NLRP5: variants seen among roughly 807,000 people sequenced by gnomAD.
The protein encoded by NLRP5 is NACHT, LRR and PYD domains-containing protein 5.
A neutral mutation model predicts 113.1 loss-of-function variants in NLRP5; 93 were observed. That is an observed-to-expected ratio of 0.82 (90% CI 0.70 to 0.98). The LOEUF is 0.98. Among genes scored for constraint, NLRP5 ranks in the 50% least tolerant of loss-of-function variants. The pLI is 0.00. For synonymous variants in NLRP5, 751 were observed against 600.7 expected (o/e 1.25, Z -3.66); for missense variants, 1,808 against 1,514.3 (o/e 1.19, Z -3.22).
chr19:56,017,099 G>A (rs916808986), intron 4 of NLRP5, among the ~76,000 whole-genome samples: 4 of 152,100 alleles, frequency 2.6e-5, no homozygotes, highest in African/African-American at 4.8e-5. Context: ...GAGCCACCGC[G>A]CCCGGCCAAA....
chr19:56,022,142 C>T (rs192506466), intron 6 of NLRP5, among the ~76,000 whole-genome samples: 5 of 152,270 alleles, frequency 3.3e-5, no homozygotes, highest in Admixed American at 1.3e-4. Flanking sequence ...AGAATAATTA[C>T]TCTGGTCTAG....
At chr19:56,013,262 G>A (rs555839706) in intron 3 of NLRP5, among the ~76,000 whole-genome samples, 8 of 152,078 alleles carry the variant, frequency 5.3e-5, no homozygotes, top group South Asian at 2.1e-4. Context: ...GTGCGATCTC[G>A]GCTCACTGCA....
At chr19:56,005,300 CATAT>C (rs796298697) in intron 2 of NLRP5, among the ~76,000 whole-genome samples, 1 of 145,960 alleles carries the variant, frequency 6.9e-6, no homozygotes, top group Non-Finnish European at 1.5e-5. Flanking sequence ...TATATATACA[CATAT>C]ATATTTATAT....
chr19:56,037,933 A>G (rs1005273127), intron 9 of NLRP5, 92 bp from the exon 10 acceptor site: 106 of 1,357,830 alleles, frequency 7.8e-5, no homozygotes, highest in South Asian at 3.3e-4. Context: ...GGACCAGGAA[A>G]ACGGCCAGCG....
At chr19:56,015,420 C>T (rs1013344120) in intron 3 of NLRP5, among the ~76,000 whole-genome samples, 4 of 152,058 alleles carry the variant, frequency 2.6e-5, no homozygotes, top group Non-Finnish European at 1.5e-5. Flanking sequence ...GGTCTTAAAC[C>T]CCTGACCTCA....
At chr19:56,056,512 G>A (rs1024989867) in intron 13 of NLRP5, among the ~76,000 whole-genome samples, 3 of 151,980 alleles carry the variant, frequency 2.0e-5, no homozygotes, top group African/African-American at 2.4e-5. Context: ...AACCGAGAAC[G>A]TGCCACTGCA....
chr19:56,036,788 C>T (rs894722019), intron 9 of NLRP5, among the ~76,000 whole-genome samples: 2 of 152,020 alleles, frequency 1.3e-5, no homozygotes, highest in African/African-American at 4.8e-5. Context: ...GAAACCCCGT[C>T]TCTACTATAA....
At position 56,011,158 on chromosome 19, in the gene NLRP5, A is replaced by AAAATATATATAT. The variant is rs372922763; in HGVS notation, c.508+2306_508+2307insAATATATATATA. Among the ~76,000 whole-genome samples, 255 of 145,216 alleles carry AAAATATATATAT rather than the reference A, an allele frequency of 1.8e-3. 2 individuals carry two copies. The highest frequency in any genetic ancestry group is 4.9e-3 in the African/African-American group (198 of 40,110). On this transcript the variant is annotated intron_variant, in intron 3 of 14. Transcript: ENST00000390649. ...ATAAAATGAGACTATGTCTTTAAAA[A>AAAATATATATAT]ATATATATACACACATACATTAATG...
intron 13 of NLRP5, 33 bp downstream of exon 13, chr19:56,053,841 G>T (rs780656245): frequency 3.7e-6 from 6 of 1,603,574 alleles, no homozygotes; most frequent in Non-Finnish European, 5.1e-6. Flanking sequence ...TGCGGGCCGG[G>T]CTGGGAGGAG....
intron 2 of NLRP5, among the ~76,000 whole-genome samples, chr19:56,006,862 C>G (rs917861686): frequency 1.3e-5 from 2 of 151,652 alleles, no homozygotes; most frequent in South Asian, 2.1e-4. Flanking sequence ...GCTTCAGCCT[C>G]CTGAGTAGCT....
intron 6 of NLRP5, among the ~76,000 whole-genome samples, chr19:56,023,620 A>G (rs1195925631): frequency 1.3e-5 from 2 of 152,116 alleles, no homozygotes; most frequent in African/African-American, 4.8e-5. Context: ...GGAAGAATCC[A>G]CACAAATGAA....
At chr19:56,013,132 A>G (rs1982263184) in intron 3 of NLRP5, among the ~76,000 whole-genome samples, 1 of 152,186 alleles carries the variant, frequency 6.6e-6, no homozygotes, top group Admixed American at 6.6e-5. Context: ...TTGCATATAA[A>G]TGAAATCAGA....
intron 5 of NLRP5, 96 bp from the exon 6 acceptor site, chr19:56,020,278 GA>G: frequency 6.8e-7 from 1 of 1,464,146 alleles, no homozygotes; most frequent in Non-Finnish European, 9.4e-7. Context: ...CAACTGGCCA[GA>G]AAATAAATAT....
chr19:55,999,693 C>T (rs535549351), upstream of NLRP5: 28 of 1,532,858 alleles, frequency 1.8e-5, no homozygotes, highest in African/African-American at 5.5e-5. Context: ...GCCCAGCCTT[C>T]GATGTTCAGT....
At chr19:56,012,123 A>G (rs989528018) in intron 3 of NLRP5, among the ~76,000 whole-genome samples, 1 of 151,866 alleles carries the variant, frequency 6.6e-6, no homozygotes, top group Non-Finnish European at 1.5e-5. Flanking sequence ...CCACAAGGAA[A>G]GGTGTTCTTC....
At chr19:56,026,833 C>T in intron 6 of NLRP5, 80 bp from the exon 7 acceptor site, 1 of 1,445,184 alleles carries the variant, frequency 6.9e-7, no homozygotes, top group Non-Finnish European at 9.3e-7. Context: ...ATCTTGACCT[C>T]CCACAGTGCT....
At chr19:56,020,076 C>T (rs1411079192) in intron 5 of NLRP5, among the ~76,000 whole-genome samples, 3 of 151,840 alleles carry the variant, frequency 2.0e-5, no homozygotes, top group Non-Finnish European at 4.4e-5. Context: ...ACCTCGGCTG[C>T]CCACCTCGGC....
chr19:56,044,555 A>G (rs1339560677), intron 11 of NLRP5, among the ~76,000 whole-genome samples: 3 of 152,082 alleles, frequency 2.0e-5, no homozygotes, highest in African/African-American at 7.2e-5. Flanking sequence ...TGGGTTCTCT[A>G]TTCTGTTTCG....
At chr19:56,013,223 T>A (rs540112494) in intron 3 of NLRP5, among the ~76,000 whole-genome samples, 1 of 152,120 alleles carries the variant, frequency 6.6e-6, no homozygotes, top group Non-Finnish European at 1.5e-5. Context: ...GATGGAGTCG[T>A]GCTCTGTTGC....
Sources: gnomAD v4.1 joint callset for allele counts (sites outside exome capture counted in the v4.1 genomes callset) on GRCh38, gnomAD v4.1.1 for gene constraint, MANE v1.5 for transcripts, NCBI Gene and HGNC (gene_info 2026-07-23, HGNC 2026-07-21) for gene names.